ADORA2B: variants seen among roughly 807,000 people sequenced by gnomAD.
The protein encoded by ADORA2B is adenosine A2b receptor.
ADORA2B carries 18 observed loss-of-function variants against 20.8 expected under a neutral mutation model. The observed-to-expected ratio is 0.87, with a 90% CI of 0.60 to 1.29. The LOEUF (loss-of-function observed/expected upper bound fraction) is 1.29, where lower values mean the gene tolerates loss of function less well. Among genes scored for constraint, ADORA2B ranks in the 50% most tolerant of loss-of-function variants. ADORA2B has a pLI of 0.00. For synonymous variants in ADORA2B, 179 were observed against 178.3 expected (o/e 1.00, Z -0.03); for missense variants, 441 against 422.7 (o/e 1.04, Z -0.38).
chr17:15,967,170 C>G (rs910943099), intron 1 of ADORA2B, among the ~76,000 whole-genome samples: 5 of 151,664 alleles, frequency 3.3e-5, no homozygotes, highest in African/African-American at 1.2e-4. Flanking sequence ...TCCTGAGATG[C>G]CAGAGTCCCC....
chr17:15,925,036 GTTATT>G, the ADORA2B span, among the ~76,000 whole-genome samples: 3 of 151,078 alleles, frequency 2.0e-5, no homozygotes, highest in African/African-American at 4.9e-5. Flanking sequence ...ACCACACCTG[GTTATT>G]TTATTTTATT....
chr17:15,859,365 T>A, the ADORA2B span, among the ~76,000 whole-genome samples: 1 of 150,972 alleles, frequency 6.6e-6, no homozygotes, highest in Non-Finnish European at 1.5e-5. Flanking sequence ...AATGGGCTGT[T>A]TTTGTTGTTC....
chr17:15,889,437 C>T, the ADORA2B span, among the ~76,000 whole-genome samples: 1 of 129,682 alleles, frequency 7.7e-6, no homozygotes, highest in African/African-American at 3.3e-5. Context: ...TTTAGGTTGA[C>T]ATGTATCAAA....
intron 1 of ADORA2B, among the ~76,000 whole-genome samples, chr17:15,966,702 A>G (rs1970122062): frequency 6.6e-6 from 1 of 152,218 alleles, no homozygotes; most frequent in Non-Finnish European, 1.5e-5. Flanking sequence ...CTCCGTACAC[A>G]GTGGTGGGGC....
the ADORA2B span, among the ~76,000 whole-genome samples, chr17:15,860,545 A>C: frequency 6.6e-6 from 1 of 152,058 alleles, no homozygotes; most frequent in Non-Finnish European, 1.5e-5. Context: ...AGGTAAGGGC[A>C]ATTTCATAAG....
chr17:15,906,083 A>G, the ADORA2B span, among the ~76,000 whole-genome samples: 1 of 152,142 alleles, frequency 6.6e-6, no homozygotes, highest in Non-Finnish European at 1.5e-5. Flanking sequence ...TACCTTTCCA[A>G]TTCGTATGCC....
chr17:15,958,889 A>C (rs1970002856), intron 1 of ADORA2B, among the ~76,000 whole-genome samples: 1 of 152,160 alleles, frequency 6.6e-6, no homozygotes. Context: ...AGCAGGGCAC[A>C]TGTCTGTTGC....
At chr17:15,917,386 G>A in the ADORA2B span, among the ~76,000 whole-genome samples, 4 of 152,240 alleles carry the variant, frequency 2.6e-5, no homozygotes, top group African/African-American at 9.6e-5. Context: ...CGAGGGGCAC[G>A]TTCCCTCAGG....
At chr17:15,955,107 T>A (rs1045697381) in intron 1 of ADORA2B, among the ~76,000 whole-genome samples, 4 of 152,236 alleles carry the variant, frequency 2.6e-5, no homozygotes, top group African/African-American at 9.6e-5. Flanking sequence ...CAGTTGACCC[T>A]TGAACAACTT....
chr17:15,909,281 A>C, the ADORA2B span, among the ~76,000 whole-genome samples: 142 of 152,274 alleles, frequency 9.3e-4, no homozygotes, highest in African/African-American at 3.2e-3. Flanking sequence ...ACACAAAAAA[A>C]CACACACAGA....
At chr17:15,866,415 T>A in the ADORA2B span, among the ~76,000 whole-genome samples, 4 of 151,936 alleles carry the variant, frequency 2.6e-5, no homozygotes, top group Non-Finnish European at 5.9e-5. Context: ...ATTGAGCACC[T>A]TTTCATATGC....
rs1210103379 is a variant in ADORA2B at position 15,966,517 on chromosome 17, T to G, written c.336-8162T>G. 5.3e-5 allele frequency among the ~76,000 whole-genome samples: 8 copies of G among 152,364 alleles called. No individual in the cohort carries two copies. The East Asian group carries it at 1.5e-3, about 29-fold the overall frequency. On this transcript the variant is annotated intron_variant, in intron 1 of 1. Transcript: ENST00000304222. ...ACAGAGCCAGTGCAGGAGGAGACCC[T>G]GCCCCAGAAATAGGCCAGTGCTTGT... is the stretch of plus-strand genomic sequence containing the variant.
chr17:15,901,125 G>A, the ADORA2B span, among the ~76,000 whole-genome samples: 2 of 152,092 alleles, frequency 1.3e-5, no homozygotes, highest in African/African-American at 2.4e-5. Flanking sequence ...TTCCTGAGGC[G>A]TGACCACACC....
the ADORA2B span, among the ~76,000 whole-genome samples, chr17:15,932,321 C>T: frequency 4.6e-5 from 7 of 151,560 alleles, no homozygotes; most frequent in South Asian, 1.0e-3. Context: ...GGTGAAACCC[C>T]GTCTCTACTA....
the ADORA2B span, among the ~76,000 whole-genome samples, chr17:15,914,680 G>A: frequency 1.3e-5 from 2 of 152,204 alleles, no homozygotes; most frequent in African/African-American, 2.4e-5. Flanking sequence ...AGCTTTCTTT[G>A]CTTGCTTGTT....
chr17:15,889,636 G>A, the ADORA2B span, among the ~76,000 whole-genome samples: 1 of 130,406 alleles, frequency 7.7e-6, no homozygotes, highest in African/African-American at 3.3e-5. Flanking sequence ...GCTCATGCCT[G>A]TAATCCCAGC....
chr17:15,937,054 G>A, the ADORA2B span, among the ~76,000 whole-genome samples: 3 of 152,264 alleles, frequency 2.0e-5, no homozygotes, highest in South Asian at 6.2e-4. Flanking sequence ...AGTTTCTGTT[G>A]TTTCTTTTTT....
intron 1 of ADORA2B, among the ~76,000 whole-genome samples, chr17:15,967,595 G>A (rs183319243): frequency 2.0e-3 from 304 of 152,306 alleles, no homozygotes; most frequent in Non-Finnish European, 3.2e-3. Context: ...GCCAGGGCAC[G>A]TGGGGAAGGA....
At chr17:15,954,010 G>A (rs1026549046) in intron 1 of ADORA2B, among the ~76,000 whole-genome samples, 21 of 150,886 alleles carry the variant, frequency 1.4e-4, no homozygotes, top group Non-Finnish European at 2.7e-4. Flanking sequence ...ACAGAGTCTC[G>A]CTCTGTCGCC....
Sources: gnomAD v4.1 joint callset for allele counts (sites outside exome capture counted in the v4.1 genomes callset) on GRCh38, gnomAD v4.1.1 for gene constraint, MANE v1.5 for transcripts, NCBI Gene and HGNC (gene_info 2026-07-23, HGNC 2026-07-21) for gene names.